FBXW8: variants seen among roughly 807,000 people sequenced by gnomAD.
The protein encoded by FBXW8 is F-box and WD repeat domain containing 8.
Under a neutral mutation model 65.3 loss-of-function variants are expected in FBXW8, and 57 were observed. The observed-to-expected ratio is 0.87, with a 90% CI of 0.71 to 1.09. FBXW8 has a LOEUF of 1.09. Ranked by LOEUF, FBXW8 falls within the 50% of genes least tolerant of loss-of-function variation. The probability of loss-of-function intolerance (pLI) is 0.00; values close to 1 mark genes in which losing one functional copy is unlikely to be tolerated. For missense variants in FBXW8, 777 were observed against 814.8 expected (o/e 0.95, Z 0.57); for synonymous variants, 308 against 330.2 (o/e 0.93, Z 0.73).
chr12:116,999,802 T>C (rs1953467905), intron 7 of FBXW8, among the ~76,000 whole-genome samples: 1 of 152,170 alleles, frequency 6.6e-6, no homozygotes, highest in Non-Finnish European at 1.5e-5. Flanking sequence ...CCATCCTCAA[T>C]GTGCCACATT....
At chr12:116,962,509 G>T (rs1388325486) in intron 4 of FBXW8, among the ~76,000 whole-genome samples, 1 of 152,214 alleles carries the variant, frequency 6.6e-6, no homozygotes, top group African/African-American at 2.4e-5. Context: ...TGAAAACAGT[G>T]TGCAGACTGC....
At chr12:116,951,869 A>C (rs890417489) in intron 4 of FBXW8, among the ~76,000 whole-genome samples, 1 of 152,214 alleles carries the variant, frequency 6.6e-6, no homozygotes, top group Admixed American at 6.5e-5. Flanking sequence ...AATACCCATC[A>C]TGTGAACAGG....
intron 2 of FBXW8, among the ~76,000 whole-genome samples, chr12:116,933,894 T>G (rs1431250014): frequency 6.6e-6 from 1 of 152,214 alleles, no homozygotes; most frequent in African/African-American, 2.4e-5. Flanking sequence ...CCTGCTGCTT[T>G]ATGATTTTAT....
chr12:116,977,811 A>G (rs1425244674), intron 5 of FBXW8: 2 of 152,244 alleles, frequency 1.3e-5, no homozygotes, highest in Admixed American at 6.5e-5. Context: ...TGTTAACTGG[A>G]AATTCTTCTA....
In FBXW8 at chr12:116,943,841, C is replaced by T. The variant is rs148339262; in HGVS notation, c.424-1523C>T. On this transcript the variant is annotated intron_variant, in intron 2 of 10. Transcript: ENST00000652555. ...CCCCAGCTAGCAGTGCCTCCTCAGG[C>T]AGCTGTAGAGTTAAGCAGTTGCCAC... 6.5e-3 allele frequency among the ~76,000 whole-genome samples: 990 copies of T among 152,320 alleles called. 4 individuals are homozygous for T. The highest frequency in any genetic ancestry group is 9.3e-3 in the South Asian group (45 of 4,828).
At chr12:117,018,735 C>T (rs1954017605) in intron 8 of FBXW8, among the ~76,000 whole-genome samples, 2 of 152,220 alleles carry the variant, frequency 1.3e-5, no homozygotes, top group South Asian at 4.1e-4. Flanking sequence ...GAGGCCGCAT[C>T]TTTTGGTTTA....
At chr12:117,018,677 A>G (rs1367895931) in intron 8 of FBXW8, among the ~76,000 whole-genome samples, 1 of 152,198 alleles carries the variant, frequency 6.6e-6, no homozygotes, top group East Asian at 1.9e-4. Flanking sequence ...GGAGAAATTC[A>G]AGGCTGGTTT....
chr12:116,955,999 T>C (rs915389025), intron 4 of FBXW8, among the ~76,000 whole-genome samples: 2 of 152,208 alleles, frequency 1.3e-5, no homozygotes, highest in Admixed American at 6.5e-5. Flanking sequence ...TGATGGTGTT[T>C]TGCAATAAAC....
At chr12:117,001,134 T>C (rs10507277) in intron 7 of FBXW8, among the ~76,000 whole-genome samples, 104,237 of 152,190 alleles carry the variant, frequency 0.68, 40,121 homozygotes, top group Non-Finnish European at 0.84. Flanking sequence ...AGAGCTCATA[T>C]GTGTAGTGTT....
chr12:117,008,786 C>T (rs2135707121), intron 7 of FBXW8, among the ~76,000 whole-genome samples: 1 of 152,248 alleles, frequency 6.6e-6, no homozygotes, highest in East Asian at 1.9e-4. Flanking sequence ...AGAAATCTTT[C>T]TACAAAATAC....
intron 7 of FBXW8, among the ~76,000 whole-genome samples, chr12:116,998,243 C>T (rs531815926): frequency 2.6e-5 from 4 of 152,310 alleles, no homozygotes; most frequent in East Asian, 1.9e-4. Flanking sequence ...CTTCAAGATG[C>T]GAAGCCTTAT....
chr12:116,956,443 C>T (rs754990827), intron 4 of FBXW8, among the ~76,000 whole-genome samples: 1 of 152,208 alleles, frequency 6.6e-6, no homozygotes, highest in African/African-American at 2.4e-5. Flanking sequence ...GCTGCTTCAG[C>T]TGCCAGACAT....
chr12:116,965,018 C>T (rs1398409827), intron 5 of FBXW8, among the ~76,000 whole-genome samples, 164 bp downstream of exon 5: 2 of 152,188 alleles, frequency 1.3e-5, no homozygotes, highest in Non-Finnish European at 2.9e-5. Flanking sequence ...AAGAAGTTGG[C>T]CAACAACCGT....
rs1954329565 is a variant in FBXW8, at chr12:117,030,318, GC to G, written c.*2147del. On this transcript the variant is annotated 3_prime_UTR_variant, in exon 11 of 11. Coordinates refer to ENST00000652555, the MANE Select transcript of FBXW8 (RefSeq NM_153348.3). The stretch of plus-strand genomic sequence containing the variant: ...AGGCAGATGGACCGGAGGGTTTTCT[GC>G]TTCCTTTCAACCAGATAACTTCCTA... 1 of 152,170 alleles carries G rather than the reference GC, an allele frequency of 6.6e-6. No homozygotes were observed. Among genetic ancestry groups the G allele is most frequent in the Non-Finnish European group, 1.5e-5 (1 of 68,026 alleles). 9.4% of individuals were successfully genotyped at this position (152,170 alleles called of 1,614,324 possible).
rs974523643 is a variant in FBXW8, at chr12:116,953,297, G to A, written c.677+3591G>A. Among the ~76,000 whole-genome samples, 4 of 152,288 alleles carry A rather than the reference G, an allele frequency of 2.6e-5. No homozygotes were observed. The East Asian group carries it at 7.7e-4, about 29-fold the overall frequency. On this transcript the variant is annotated intron_variant, in intron 4 of 10. Coordinates refer to ENST00000652555, the MANE Select transcript of FBXW8 (RefSeq NM_153348.3). ...CCAAGACCCTCATCTTGCTTGAGGT[G>A]GCAGAGGCTCAGGGCCAGGCTGGGT...
intron 7 of FBXW8, among the ~76,000 whole-genome samples, chr12:116,999,624 CT>C (rs137996443): frequency 0.047 from 7,141 of 152,282 alleles, 410 homozygotes; most frequent in African/African-American, 0.13. Context: ...TCACGGTCCA[CT>C]TCAGGTTTTC....
chr12:116,942,406 G>C (rs1178003244), intron 2 of FBXW8, among the ~76,000 whole-genome samples: 2 of 128,342 alleles, frequency 1.6e-5, no homozygotes, highest in Non-Finnish European at 3.1e-5. Flanking sequence ...ACAGAGTCTT[G>C]CGCTGTTGCC....
In FBXW8 at chr12:116,988,915, T is replaced by C. The variant is rs758047345; in HGVS notation, c.1239+46T>C. On this transcript the variant is annotated intron_variant, in intron 7 of 10. Transcript: ENST00000652555. ...ATAATTAACAAAAAAGAATATAGAT[T>C]TATTTTTTAGAAGGGAATTGAAAAA... 2.6e-6 allele frequency: 4 copies of C among 1,544,666 alleles called. No individual in the cohort carries two copies. The Admixed American group carries it at 5.2e-5, about 20-fold the overall frequency.
chr12:116,915,639 A>C (rs1880344942), intron 1 of FBXW8, among the ~76,000 whole-genome samples: 6 of 80,392 alleles, frequency 7.5e-5, no homozygotes, highest in South Asian at 9.3e-4. Context: ...TCACCTGACT[A>C]CTTTTTTTTT....
Sources: gnomAD v4.1 joint callset for allele counts (sites outside exome capture counted in the v4.1 genomes callset) on GRCh38, gnomAD v4.1.1 for gene constraint, MANE v1.5 for transcripts, NCBI Gene and HGNC (gene_info 2026-07-23, HGNC 2026-07-21) for gene names.